SEC16A: variants seen among roughly 807,000 people sequenced by gnomAD.
SEC16A encodes the protein protein transport protein Sec16A.
A neutral mutation model predicts 221.9 loss-of-function variants in SEC16A; 110 were observed. That is an observed-to-expected ratio of 0.50 (90% CI 0.42 to 0.58). SEC16A has a LOEUF of 0.58. Among genes scored for constraint, SEC16A ranks in the 20% least tolerant of loss-of-function variants. The pLI is 0.00. For synonymous variants in SEC16A, 1,393 were observed against 1,257.7 expected, an observed-to-expected ratio of 1.11 and a Z score of -2.28; for missense variants, 3,165 against 3,097.8, an observed-to-expected ratio of 1.02 and a Z score of -0.52.
chr9:136,445,704 C>T lies in SEC16A; in HGVS notation c.6808G>A (p.Ala2270Thr), dbSNP rs1836882178. Reference protein sequence around the residue: ...APEPKVLSSAASLPGSELPSS... With the variant: ...APEPKVLSSATSLPGSELPSS... Reference sequence around the variant, plus strand: ...GGGAGTTCAGAGCCAGGGAGTGACGCTGCAGAGCTTAAAACCTGCCGAGGA... The same window carrying T: ...GGGAGTTCAGAGCCAGGGAGTGACGTTGCAGAGCTTAAAACCTGCCGAGGA... Residue 2270 changes from alanine (A) to threonine (T), a missense_variant, in exon 29 of 32, where the codon GCG becomes ACG. Physicochemically the swap from Ala to Thr is moderately conservative, Grantham distance 58. Transcript: ENST00000684901. The T allele has an allele frequency of 2.6e-6, 4 of 1,553,620 alleles. No homozygotes were observed. In the South Asian group the frequency reaches 3.6e-5, roughly 14 times the overall value.
chr9:136,473,114 G>A (rs36101132), intron 3 of SEC16A, among the ~76,000 whole-genome samples: 32,090 of 152,238 alleles, frequency 0.21, 3,687 homozygotes, highest in Non-Finnish European at 0.27. Flanking sequence ...AGGCCCATGG[G>A]GGAGGCCCAG....
In SEC16A at chr9:136,475,035, C is replaced by T; in HGVS notation, c.2581G>A (p.Glu861Lys). 2 of 1,613,768 alleles carry T rather than the reference C, an allele frequency of 1.2e-6. No individual in the cohort carries two copies. The highest frequency in any genetic ancestry group is 3.3e-5 in the Admixed American group (2 of 59,986). Residue 861 changes from glutamate (E) to lysine (K), a missense_variant, in exon 3 of 32, where the codon GAG (glutamate) becomes AAG (lysine). Physicochemically the swap from Glu to Lys is moderately conservative, Grantham distance 56 (BLOSUM62 1). Around this residue, in one of 3 missense-constraint regions of SEC16A, gnomAD observed 2,030 missense variants for 1,923.1 expected, o/e 1.06. Coordinates refer to ENST00000684901, the MANE Select transcript of SEC16A (RefSeq NM_014866.2). This position sits in a 1 kb window ranked among gnomAD's most constrained non-coding sequence, Gnocchi z 5.0. ...GCAGGTCTATCCCCCACCAAAGCCT[C>T]TCTCCAGGACTGATTCTTCTCATGA... The part of the protein sequence containing the change: ...NSHEKNQSWR[E>K]ALVGDRPAVS...
chr9:136,449,656 GAAGA>G (rs1173361927), intron 23 of SEC16A, among the ~76,000 whole-genome samples: 1 of 152,190 alleles, frequency 6.6e-6, no homozygotes, highest in Non-Finnish European at 1.5e-5. Flanking sequence ...CACTTCTACT[GAAGA>G]AAGAGGAGAA....
At chr9:136,448,613 A>C (rs1837355277) in intron 23 of SEC16A, 1 of 708,122 alleles carries the variant, frequency 1.4e-6, no homozygotes, top group South Asian at 1.5e-5. Flanking sequence ...GAGCAGATCC[A>C]GACACACCAG....
At chr9:136,484,440 C>T (rs1049147380), upstream of SEC16A, 2 of 1,201,682 alleles carry the variant, frequency 1.7e-6, no homozygotes, top group African/African-American at 3.2e-5. Context: ...GTTGAGGAAG[C>T]GGCCAGCCAT....
Position 136,475,948 on chromosome 9 carries a change from A to C in SEC16A, c.1668T>G (p.Asp556Glu). The change falls in exon 3 of 32, where the codon GAT becomes GAG. Residue 556 changes from aspartate to glutamate, a missense_variant. By Grantham distance (45) the Asp-to-Glu change is conservative. This residue lies in a region of SEC16A where 2,030 missense variants were observed against 1,923.1 expected (regional missense o/e 1.06). Coordinates refer to ENST00000684901, the MANE Select transcript of SEC16A (RefSeq NM_014866.2). The surrounding 1 kb of genome is among the most constrained non-coding windows in gnomAD (Gnocchi z 5.0). ...GCTTAAAAAAACTACCTGAAGCTTC[A>C]TCCTCGGGTTTTCCAACTTCTTGCT... is the stretch of plus-strand genomic sequence containing the variant. ...FIQQEVGKPE[D>E]EASGSFFKQI... is the part of the protein sequence containing the mutation. 1 of 1,613,602 alleles carries C rather than the reference A, an allele frequency of 6.2e-7. No homozygotes were observed.
intron 8 of SEC16A, among the ~76,000 whole-genome samples, chr9:136,465,739 C>T (rs1022163947): frequency 1.3e-5 from 2 of 152,170 alleles, no homozygotes; most frequent in African/African-American, 4.8e-5. Context: ...AAACGCATGT[C>T]GGGGCAGGCA....
rs1837153438 is a variant in SEC16A at position 136,447,370 on chromosome 9, A to G, written c.6560-6T>C. Reference sequence around the variant, plus strand: ...GTAGCGAGCTCTGGTTCCTGCTGCAAAGGGGAGGGAAGCAAATTGAGGTGA... The same window carrying G: ...GTAGCGAGCTCTGGTTCCTGCTGCAGAGGGGAGGGAAGCAAATTGAGGTGA... On this transcript the variant is annotated splice_polypyrimidine_tract_variant and splice_region_variant and intron_variant, in intron 26 of 31. Transcript: ENST00000684901. This position sits in a 1 kb window ranked among gnomAD's most constrained non-coding sequence, Gnocchi z 5.5. 1 of 1,597,750 alleles carries G rather than the reference A, an allele frequency of 6.3e-7. No homozygotes were observed. Among genetic ancestry groups the G allele is most frequent in the Non-Finnish European group, 8.5e-7 (1 of 1,172,724 alleles).
intron 4 of SEC16A, among the ~76,000 whole-genome samples, chr9:136,469,864 C>T (rs1302956219): frequency 1.3e-5 from 2 of 152,206 alleles, no homozygotes; most frequent in Non-Finnish European, 2.9e-5. Flanking sequence ...ACTTGTCCCC[C>T]TACATCCAAC....
rs1342182807 is a variant in SEC16A at position 136,476,041 on chromosome 9, A to G, written c.1575T>C (p.Tyr525=). Residue 525 remains tyrosine, a synonymous_variant, in exon 3 of 32, where the codon TAT becomes TAC. Transcript: ENST00000684901. ...AGAGCCTTCCGTGGCTTCTGCTGCT[A>G]TAGCTGGATGACACGCTGTCAGGGT... ...TVHPDSVSSS[Y]SSRSHGRLSG... is the part of the protein sequence containing the mutation. The G allele has an allele frequency of 9.9e-6, 16 of 1,613,264 alleles. No homozygotes were observed. The highest frequency in any genetic ancestry group is 1.3e-5 in the African/African-American group (1 of 74,866).
chr9:136,459,533 C>T lies in SEC16A; in HGVS notation c.5214G>A (p.Ala1738=), dbSNP rs571160515. ...GGGCCATGAGGTAGCAGAAGTGGGC[C>T]GCATCCAAGAGGCCCCTTGAAGCTG... ...DTLASRGLLD[A]AHFCYLMAQA... Residue 1738 remains alanine, a synonymous_variant, in exon 16 of 32, where the codon GCG becomes GCA. Coordinates refer to ENST00000684901, the MANE Select transcript of SEC16A (RefSeq NM_014866.2). The surrounding 1 kb of genome is among the most constrained non-coding windows in gnomAD (Gnocchi z 6.1). The T allele has an allele frequency of 1.9e-5, 30 of 1,602,808 alleles. No homozygotes were observed. The highest frequency in any genetic ancestry group is 2.7e-5 in the African/African-American group (2 of 74,826).
At chr9:136,446,807 G>A in intron 28 of SEC16A, 48 bp downstream of exon 28, 1 of 1,541,684 alleles carries the variant, frequency 6.5e-7, no homozygotes, top group East Asian at 2.3e-5. Context: ...GGATGGGGAG[G>A]TGCCTCCTCA....
chr9:136,458,130 A>ATTT (rs1222002410), intron 17 of SEC16A, among the ~76,000 whole-genome samples: 1 of 116,244 alleles, frequency 8.6e-6, no homozygotes, highest in Non-Finnish European at 1.8e-5. Flanking sequence ...TAATTTTTGT[A>ATTT]TTTTTTTTTT....
Position 136,466,842 on chromosome 9 carries a change from AG to A in SEC16A, c.3929+114del, listed in dbSNP as rs1343410594. 1 of 1,287,056 alleles carries A rather than the reference AG, an allele frequency of 7.8e-7. No homozygotes were observed. The highest frequency in any genetic ancestry group is 1.1e-6 in the Non-Finnish European group (1 of 949,394). 79.7% of individuals were successfully genotyped at this position (1,287,056 alleles called of 1,614,324 possible). ...TCAGACAGGGACCAAAACATCAGGC[AG>A]ATGCTCACCCAAACTACCACAGCTC... is the stretch of plus-strand genomic sequence containing the variant. On this transcript the variant is annotated intron_variant, in intron 6 of 31. Coordinates refer to ENST00000684901, the MANE Select transcript of SEC16A (RefSeq NM_014866.2). The surrounding 1 kb of genome is among the most constrained non-coding windows in gnomAD (Gnocchi z 5.5).
Position 136,444,879 on chromosome 9 carries a change from C to CAA in SEC16A, c.6927+171_6927+172dup, listed in dbSNP as rs757568383. 4.7e-3 allele frequency among the ~76,000 whole-genome samples: 308 copies of CAA among 65,140 alleles called. 1 individual carries two copies. The highest frequency in any genetic ancestry group is 0.012 in the African/African-American group (211 of 18,262). 42.7% of individuals were successfully genotyped at this position (65,140 alleles called of 152,430 possible). ...GGGCAACAAGAGCGAAACTCCGTCT[C>CAA]AAAAAAAAAAAAAAAAAAAAAAGGA... is the stretch of plus-strand genomic sequence containing the variant. On this transcript the variant is annotated intron_variant, in intron 30 of 31. Coordinates refer to ENST00000684901, the MANE Select transcript of SEC16A (RefSeq NM_014866.2).
Position 136,466,564 on chromosome 9 carries a change from G to C in SEC16A, c.3930-102C>G. 8.8e-7 allele frequency: 1 copy of C among 1,139,908 alleles called. No homozygotes were observed. Among genetic ancestry groups the C allele is most frequent in the African/African-American group, 1.6e-5 (1 of 64,128 alleles). 70.6% of individuals were successfully genotyped at this position (1,139,908 alleles called of 1,614,324 possible). A position where few individuals can be genotyped will look rare whatever the true frequency, so the allele number is the denominator to read the frequency against. ...AGGAGCTGAGACCGAGACCCCTGGG[G>C]CCGAGGCACAACACAGCACACCCGA... On this transcript the variant is annotated intron_variant, in intron 6 of 31. Transcript: ENST00000684901. The surrounding 1 kb of genome is among the most constrained non-coding windows in gnomAD (Gnocchi z 5.5).
intron 11 of SEC16A, 114 bp from the exon 12 acceptor site, chr9:136,463,246 A>C: frequency 6.9e-7 from 1 of 1,446,862 alleles, no homozygotes; most frequent in Middle Eastern, 2.2e-4. Flanking sequence ...CAACTACCCG[A>C]AAGGCTGGCA....
chr9:136,443,536 G>A (rs539922071), intron 31 of SEC16A, among the ~76,000 whole-genome samples: 156 of 152,240 alleles, frequency 1.0e-3, no homozygotes, highest in Non-Finnish European at 1.9e-3. Flanking sequence ...TAAAAAATTT[G>A]CCAGGTGTGC....
intron 31 of SEC16A, among the ~76,000 whole-genome samples, chr9:136,443,533 T>C (rs541728969): frequency 5.9e-5 from 9 of 152,056 alleles, no homozygotes; most frequent in Middle Eastern, 3.4e-3. Context: ...ACATAAAAAA[T>C]TTGCCAGGTG....
Sources: allele counts gnomAD v4.1 joint callset (sites outside exome capture counted in the v4.1 genomes callset), GRCh38; gene constraint gnomAD v4.1.1; regional missense constraint gnomAD v4.1.1; non-coding constraint Gnocchi (gnomAD v3.1); transcripts MANE v1.5; gene names NCBI Gene and HGNC (gene_info 2026-07-23, HGNC 2026-07-21).